The following MYOM2 variants were observed in gnomAD, a reference collection of about 807,000 sequenced individuals.
The protein encoded by MYOM2 is myomesin 2, also known as myomesin-2.
In MYOM2, 254 loss-of-function variants were observed where a neutral mutation model predicts 187.6. That is an observed-to-expected ratio of 1.35 (90% confidence interval 1.22 to 1.50). The LOEUF (loss-of-function observed/expected upper bound fraction) is 1.50, where lower values mean the gene tolerates loss of function less well. Among genes scored for constraint, MYOM2 ranks in the 40% most tolerant of loss-of-function variants. The pLI, the probability that MYOM2 is intolerant of heterozygous loss-of-function variation, is 0.00. For missense variants in MYOM2, 2,796 were observed against 1,924.0 expected (o/e 1.45, Z -8.48); for synonymous variants, 981 against 753.8 (o/e 1.30, Z -4.94).
intron 25 of MYOM2, among the ~76,000 whole-genome samples, chr8:2,111,247 A>C (rs118165294): frequency 6.6e-6 from 1 of 152,214 alleles, no homozygotes; most frequent in African/African-American, 2.4e-5. Context: ...TGACTTTTAC[A>C]TTTGAAGATT....
chr8:2,129,318 C>A, intron 32 of MYOM2, 86 bp downstream of exon 32: 1 of 780,916 alleles, frequency 1.3e-6, no homozygotes, highest in Non-Finnish European at 2.2e-6. Flanking sequence ...CCCTGGGGAA[C>A]ATCAAGGCAC....
chr8:2,073,635 G>A (rs541653482), intron 10 of MYOM2, 135 bp downstream of exon 10: 7 of 1,088,100 alleles, frequency 6.4e-6, no homozygotes, highest in Non-Finnish European at 8.8e-6. Flanking sequence ...GACCCCATGC[G>A]GCCCCGATTT....
intron 35 of MYOM2, among the ~76,000 whole-genome samples, 162 bp downstream of exon 35, chr8:2,142,559 G>GTCC (rs1354458117): frequency 6.6e-6 from 1 of 152,056 alleles, no homozygotes; most frequent in Admixed American, 6.5e-5. Flanking sequence ...GGAGCCCCAT[G>GTCC]TCCTGCACCA....
chr8:2,118,664 A>T (rs1563067914), intron 28 of MYOM2, among the ~76,000 whole-genome samples: 2 of 152,172 alleles, frequency 1.3e-5, no homozygotes, highest in Non-Finnish European at 2.9e-5. Context: ...GAGAAGCTGA[A>T]CTGTGCACTT....
chr8:2,142,343 A>G (rs745823713), intron 34 of MYOM2, 32 bp from the exon 35 acceptor site: 9 of 1,609,350 alleles, frequency 5.6e-6, no homozygotes, highest in Admixed American at 1.7e-5. Context: ...CTCTCTTTTC[A>G]TTCTCTCCTT....
intron 10 of MYOM2, among the ~76,000 whole-genome samples, chr8:2,074,857 G>T (rs1819363615): frequency 6.6e-6 from 1 of 152,180 alleles, no homozygotes; most frequent in South Asian, 2.1e-4. Flanking sequence ...CCTTGCTGAG[G>T]CACAGCTGAC....
At chr8:2,045,268 C>G (rs1818275381) in intron 1 of MYOM2, 100 bp downstream of exon 1, 1 of 152,252 alleles carries the variant, frequency 6.6e-6, no homozygotes, top group African/African-American at 2.4e-5. Context: ...ACTTCAGGGT[C>G]AAGAAGAGAG....
chr8:2,121,771 T>G (rs1797468041), intron 28 of MYOM2, among the ~76,000 whole-genome samples: 1 of 152,214 alleles, frequency 6.6e-6, no homozygotes, highest in Admixed American at 6.5e-5. Context: ...CTGTTAAACA[T>G]TCCTTACACA....
intron 6 of MYOM2, among the ~76,000 whole-genome samples, chr8:2,063,320 C>T (rs1480599997): frequency 6.6e-6 from 1 of 152,196 alleles, no homozygotes; most frequent in Non-Finnish European, 1.5e-5. Flanking sequence ...CCTTCTGTGA[C>T]ATGAGTGACA....
intron 31 of MYOM2, among the ~76,000 whole-genome samples, chr8:2,128,313 A>AT (rs150949636): frequency 0.014 from 2,155 of 152,358 alleles, 48 homozygotes; most frequent in African/African-American, 0.049. Flanking sequence ...GCTTCCCAAA[A>AT]TGAAAAATTA....
chr8:2,054,531 T>A (rs1286725786), intron 3 of MYOM2, among the ~76,000 whole-genome samples: 1 of 152,174 alleles, frequency 6.6e-6, no homozygotes, highest in Non-Finnish European at 1.5e-5. Flanking sequence ...GGCAGAAATA[T>A]TTCCTCAATG....
In MYOM2 at chr8:2,121,122, G is replaced by A. The variant is rs535652897; in HGVS notation, c.3454-2130G>A. ...TAGCCTGTGTATGTAGTCCATTCAT[G>A]CTGCAAAAACAACTTTCTCAAATTA... On this transcript the variant is annotated intron_variant, in intron 28 of 36. Transcript: ENST00000262113. 1.6e-4 allele frequency among the ~76,000 whole-genome samples: 25 copies of A among 152,198 alleles called. No homozygotes were observed. The South Asian group carries it at 2.1e-3, about 13-fold the overall frequency.
rs1380777102 is a variant in MYOM2 at position 2,072,640 on chromosome 8, G to T, written c.958+131G>T. 13 of 1,167,370 alleles carry T rather than the reference G, an allele frequency of 1.1e-5. No homozygotes were observed. In the African/African-American group the frequency reaches 1.2e-4, roughly 11 times the overall value. The allele number at this position is 1,167,370 out of a possible 1,614,324, so 72.3% of individuals were successfully genotyped here. ...AGCTCCAGACAGCGAAACAAACTGA[G>T]GGACTGTAGAGGACTTGGTGGCCCA... is the stretch of plus-strand genomic sequence containing the variant. On this transcript the variant is annotated intron_variant, in intron 9 of 36. Transcript: ENST00000262113.
chr8:2,123,569 C>A lies in MYOM2; in HGVS notation c.3582C>A (p.Asp1194Glu), dbSNP rs139740725. 1 of 1,613,830 alleles carries A rather than the reference C, an allele frequency of 6.2e-7. No homozygotes were observed. Residue 1194 changes from aspartate (D) to glutamate (E), a missense_variant, in exon 30 of 37, where the codon GAC becomes GAA. Coordinates refer to ENST00000262113, the MANE Select transcript of MYOM2 (RefSeq NM_003970.4). ...TTTCTTTGTAGTTGTCAAAGAAGGA[C>A]CACGGTGAATACAAGGCAACCTTGA... The part of the protein sequence containing the change: ...ELLIPKLSKK[D>E]HGEYKATLKD...
intron 36 of MYOM2, 119 bp from the exon 37 acceptor site, chr8:2,144,545 C>T: frequency 9.5e-7 from 1 of 1,058,062 alleles, no homozygotes; most frequent in South Asian, 1.4e-5. Context: ...TGTTTCTAAA[C>T]AAACGATTGA....
chr8:2,088,452 C>G (rs145417744), intron 14 of MYOM2, among the ~76,000 whole-genome samples: 2 of 152,284 alleles, frequency 1.3e-5, no homozygotes, highest in African/African-American at 4.8e-5. Context: ...GCCTCAGTGT[C>G]TATCGTTGCC....
intron 18 of MYOM2, among the ~76,000 whole-genome samples, chr8:2,097,600 C>T (rs1404113323): frequency 3.3e-5 from 5 of 152,090 alleles, no homozygotes; most frequent in Admixed American, 1.3e-4. Flanking sequence ...CTGCAAGCTC[C>T]GCCTCCTGGG....
Position 2,123,681 on chromosome 8 carries a change from C to A in MYOM2, c.3655+39C>A, listed in dbSNP as rs764819358. On this transcript the variant is annotated intron_variant, in intron 30 of 36. Coordinates refer to ENST00000262113, the MANE Select transcript of MYOM2 (RefSeq NM_003970.4). ...TCCTTTGTTCTGTGAACAAGAAATT[C>A]CTTTCACCAACAGGATGGGATGTAT... 1.2e-5 allele frequency: 19 copies of A among 1,558,642 alleles called. No individual in the cohort carries two copies. In the South Asian group the frequency reaches 2.1e-4, roughly 17 times the overall value.
At chr8:2,131,954 C>G (rs950471903) in intron 32 of MYOM2, among the ~76,000 whole-genome samples, 2 of 152,114 alleles carry the variant, frequency 1.3e-5, no homozygotes, top group African/African-American at 2.4e-5. Context: ...ATAGGCATTT[C>G]TTTAACACCT....
Sources: gnomAD v4.1 joint callset for allele counts (sites outside exome capture counted in the v4.1 genomes callset) on GRCh38, gnomAD v4.1.1 for gene constraint, MANE v1.5 for transcripts, NCBI Gene and HGNC (gene_info 2026-07-23, HGNC 2026-07-21) for gene names.